OSBPL1A: variants seen among roughly 807,000 people sequenced by gnomAD.
OSBPL1A encodes the protein oxysterol binding protein like 1A, also known as oxysterol-binding protein-related protein 1.
In OSBPL1A, 80 loss-of-function variants were observed where a neutral mutation model predicts 137.1. The ratio of observed to expected loss-of-function variants is 0.58; its 90% CI spans 0.49 to 0.70. The LOEUF (loss-of-function observed/expected upper bound fraction) is 0.70, where lower values mean the gene tolerates loss of function less well. Ranked by LOEUF, OSBPL1A falls within the 30% of genes least tolerant of loss-of-function variation. The pLI, the probability that OSBPL1A is intolerant of heterozygous loss-of-function variation, is 0.00. For missense variants in OSBPL1A, 970 were observed against 1,129.4 expected (o/e 0.86, Z 2.02); for synonymous variants, 365 against 389.7 (o/e 0.94, Z 0.75).
chr18:24,293,104 C>CAAAA (rs1172730345), intron 14 of OSBPL1A, among the ~76,000 whole-genome samples: 13 of 66,368 alleles, frequency 2.0e-4, no homozygotes, highest in Admixed American at 4.4e-4. Flanking sequence ...ACTCCCGTCT[C>CAAAA]AAAAAAAAAA....
At chr18:24,288,552 G>A (rs2090113080) in intron 14 of OSBPL1A, among the ~76,000 whole-genome samples, 1 of 151,936 alleles carries the variant, frequency 6.6e-6, no homozygotes, top group South Asian at 2.1e-4. Flanking sequence ...CAGATCACCT[G>A]AGGTCAGAAG....
At chr18:24,326,517 C>A (rs2090983346) in intron 7 of OSBPL1A, among the ~76,000 whole-genome samples, 2 of 152,208 alleles carry the variant, frequency 1.3e-5, no homozygotes, top group African/African-American at 4.8e-5. Flanking sequence ...AGATTGTGGT[C>A]TCCTGAGTGG....
At chr18:24,362,608 C>T (rs1421118) in intron 4 of OSBPL1A, among the ~76,000 whole-genome samples, 18,626 of 152,154 alleles carry the variant, frequency 0.12, 1,352 homozygotes, top group East Asian at 0.29. Context: ...CTTCCAATCA[C>T]GTGCTTACGA....
At chr18:24,348,191 T>A (rs184332174) in intron 4 of OSBPL1A, among the ~76,000 whole-genome samples, 38 of 152,252 alleles carry the variant, frequency 2.5e-4, no homozygotes, top group African/African-American at 9.1e-4. Context: ...ACAATAAATG[T>A]ATATCCACTT....
At chr18:24,200,937 C>T (rs887770976) in intron 17 of OSBPL1A, among the ~76,000 whole-genome samples, 1 of 152,122 alleles carries the variant, frequency 6.6e-6, no homozygotes, top group Non-Finnish European at 1.5e-5. Context: ...TTCACTCTCT[C>T]TGCCAGGAAA....
chr18:24,391,719 A>C (rs894084931), intron 1 of OSBPL1A, among the ~76,000 whole-genome samples: 4 of 152,112 alleles, frequency 2.6e-5, no homozygotes. Context: ...CACAGAATGA[A>C]ACTCTTTTTT....
chr18:24,165,870 C>T (rs187494561), intron 26 of OSBPL1A, among the ~76,000 whole-genome samples: 44 of 152,254 alleles, frequency 2.9e-4, no homozygotes, highest in Admixed American at 1.2e-3. Context: ...CTGAGGTGGG[C>T]GGATCACCTG....
intron 15 of OSBPL1A, among the ~76,000 whole-genome samples, chr18:24,280,195 T>C (rs1396984904): frequency 6.6e-6 from 1 of 152,130 alleles, no homozygotes; most frequent in Non-Finnish European, 1.5e-5. Flanking sequence ...ATTGCCCACC[T>C]TAGCCTCCCA....
At chr18:24,203,245 G>A (rs944158215) in intron 17 of OSBPL1A, among the ~76,000 whole-genome samples, 15 of 152,122 alleles carry the variant, frequency 9.9e-5, no homozygotes, top group Non-Finnish European at 2.1e-4. Flanking sequence ...CCAAAGTGCC[G>A]GGATTACAGG....
Position 24,179,830 on chromosome 18 carries a change from TA to T in OSBPL1A, c.1817del (p.Val606GlufsTer30). ...CAACAGCAGATACAGCAAACGCAGC[TA>T]CACACTGTGGGACAGAGCATGAGAA... ...LSDPVERMQC[V>X]AAFAVSAVAS... On this transcript the variant is annotated frameshift_variant, in exon 20 of 28. Coordinates refer to ENST00000319481, the MANE Select transcript of OSBPL1A (RefSeq NM_080597.4). LOFTEE classifies it high-confidence loss of function. 6.2e-7 allele frequency: 1 copy of T among 1,613,890 alleles called. No individual in the cohort carries two copies. Among genetic ancestry groups the T allele is most frequent in the Non-Finnish European group, 8.5e-7 (1 of 1,179,794 alleles).
At chr18:24,266,106 G>A in intron 15 of OSBPL1A, among the ~76,000 whole-genome samples, 1 of 152,230 alleles carries the variant, frequency 6.6e-6, no homozygotes, top group South Asian at 2.1e-4. Flanking sequence ...AAGAACGTGA[G>A]CCTTGGAGTA....
At chr18:24,352,142 C>G (rs932563025) in intron 4 of OSBPL1A, among the ~76,000 whole-genome samples, 3 of 151,928 alleles carry the variant, frequency 2.0e-5, no homozygotes, top group African/African-American at 7.3e-5. Context: ...CTCGTCTCTA[C>G]AAAAAGCATA....
At chr18:24,332,345 C>A (rs565546360) in intron 7 of OSBPL1A, among the ~76,000 whole-genome samples, 98 of 133,588 alleles carry the variant, frequency 7.3e-4, no homozygotes, top group Middle Eastern at 4.6e-3. Context: ...GAGATGGCAC[C>A]ACTGCACTCC....
intron 1 of OSBPL1A, among the ~76,000 whole-genome samples, chr18:24,386,030 G>A (rs946774639): frequency 6.6e-6 from 1 of 152,116 alleles, no homozygotes; most frequent in Non-Finnish European, 1.5e-5. Flanking sequence ...GATGAGGATG[G>A]TTAAGGGGCA....
intron 15 of OSBPL1A, among the ~76,000 whole-genome samples, chr18:24,269,407 G>T (rs1013264486): frequency 6.6e-6 from 1 of 152,116 alleles, no homozygotes; most frequent in Non-Finnish European, 1.5e-5. Context: ...GTTGCTTCTG[G>T]GTATGTTGCA....
intron 4 of OSBPL1A, among the ~76,000 whole-genome samples, chr18:24,343,727 T>C (rs1460172849): frequency 6.6e-6 from 1 of 152,122 alleles, no homozygotes; most frequent in Non-Finnish European, 1.5e-5. Context: ...GAAAAGACAG[T>C]CTTTTCAAAA....
At chr18:24,238,318 CAATT>C (rs202034190) in intron 16 of OSBPL1A, among the ~76,000 whole-genome samples, 1,708 of 152,256 alleles carry the variant, frequency 0.011, 120 homozygotes, top group Admixed American at 0.098. Flanking sequence ...TCCCATACAA[CAATT>C]AATTTTTCTC....
At chr18:24,215,220 T>A (rs1172168720) in intron 17 of OSBPL1A, among the ~76,000 whole-genome samples, 1 of 152,224 alleles carries the variant, frequency 6.6e-6, no homozygotes, top group African/African-American at 2.4e-5. Flanking sequence ...TTTTTTCTGC[T>A]GAGAAAGATT....
chr18:24,395,615 ATT>A lies in OSBPL1A; in HGVS notation c.-3+2038_-3+2039del, dbSNP rs75531106. On this transcript the variant is annotated intron_variant, in intron 1 of 27. Transcript: ENST00000319481. ...TTGTTTTGAGGAAATGATGGGGAGA[ATT>A]TTTTTTTTTCTTTTTTTTGTGAGAC... Among the ~76,000 whole-genome samples, 18 of 150,488 alleles carry A rather than the reference ATT, an allele frequency of 1.2e-4. No individual in the cohort carries two copies. In the East Asian group the frequency reaches 1.4e-3, roughly 12 times the overall value.
Sources: gnomAD v4.1 joint callset for allele counts (sites outside exome capture counted in the v4.1 genomes callset) on GRCh38, gnomAD v4.1.1 for gene constraint, MANE v1.5 for transcripts, NCBI Gene and HGNC (gene_info 2026-07-23, HGNC 2026-07-21) for gene names.